PLEKHA6: variants seen among roughly 807,000 people sequenced by gnomAD.
PLEKHA6 encodes the protein pleckstrin homology domain containing A6, also known as pleckstrin homology domain-containing family A member 6.
In PLEKHA6, 60 loss-of-function variants were observed where a neutral mutation model predicts 116.7. That is an observed-to-expected ratio of 0.51 (90% CI 0.42 to 0.64). The LOEUF is 0.64. Among genes scored for constraint, PLEKHA6 ranks in the 30% least tolerant of loss-of-function variants. The pLI is 0.00. For missense variants in PLEKHA6, 1,338 were observed against 1,422.7 expected (o/e 0.94, Z 0.96); for synonymous variants, 489 against 556.1 (o/e 0.88, Z 1.70).
At chr1:204,273,144 T>C (rs76341193) in intron 3 of PLEKHA6, among the ~76,000 whole-genome samples, 1 of 152,090 alleles carries the variant, frequency 6.6e-6, no homozygotes, top group Admixed American at 6.5e-5. Flanking sequence ...CTCTCTTCCT[T>C]CCTTCCCCCT....
intron 1 of PLEKHA6, chr1:204,325,876 G>T: frequency 1.0e-6 from 1 of 981,268 alleles, no homozygotes; most frequent in Non-Finnish European, 1.2e-6. Flanking sequence ...AGCATGGGGA[G>T]AAGTAGTAGC....
At chr1:204,237,831 T>C (rs746024025) in intron 17 of PLEKHA6, among the ~76,000 whole-genome samples, 2 of 152,242 alleles carry the variant, frequency 1.3e-5, no homozygotes, top group African/African-American at 4.8e-5. Flanking sequence ...ACTGGTTCAT[T>C]ACATTGATGA....
At position 204,277,024 on chromosome 1, in the gene PLEKHA6, A is replaced by G. The variant is rs1668087387; in HGVS notation, c.-94-2215T>C. ...ACCCGTCGATCAGCCCGAAACTTCAACATCTTTTTGGCAGCTCCGTCCCCA... is the reference window on the plus strand; with the variant it reads ...ACCCGTCGATCAGCCCGAAACTTCAGCATCTTTTTGGCAGCTCCGTCCCCA... On this transcript the variant is annotated intron_variant, in intron 1 of 22. Coordinates refer to ENST00000272203, the MANE Select transcript of PLEKHA6 (RefSeq NM_014935.5). The surrounding 1 kb of genome is among the most constrained non-coding windows in gnomAD (Gnocchi z 4.1). 6.6e-6 allele frequency: 1 copy of G among 152,632 alleles called. No individual in the cohort carries two copies. Among genetic ancestry groups the G allele is most frequent in the Non-Finnish European group, 1.5e-5 (1 of 68,064 alleles). The allele number at this position is 152,632 out of a possible 1,614,324, so 9.5% of individuals were successfully genotyped here.
In PLEKHA6 at chr1:204,229,027, C is replaced by T; in HGVS notation, c.2661G>A (p.Gly887=). 1 of 1,614,174 alleles carries T rather than the reference C, an allele frequency of 6.2e-7. No homozygotes were observed. Among genetic ancestry groups the T allele is most frequent in the Non-Finnish European group, 8.5e-7 (1 of 1,180,008 alleles). Residue 887 remains glycine, a synonymous_variant, in exon 19 of 23, where the codon GGG becomes GGA. Coordinates refer to ENST00000272203, the MANE Select transcript of PLEKHA6 (RefSeq NM_014935.5). ...CCTCCCGGGGTGTCTCGTAGGCATGCCCGCCAGGCTCCTCTGCCCGCAGGG... is the reference window on the plus strand; with the variant it reads ...CCTCCCGGGGTGTCTCGTAGGCATGTCCGCCAGGCTCCTCTGCCCGCAGGG... ...EAALRAEEPG[G]HAYETPREEI...
At chr1:204,333,929 T>G (rs988076194) in intron 1 of PLEKHA6, among the ~76,000 whole-genome samples, 1 of 152,228 alleles carries the variant, frequency 6.6e-6, no homozygotes, top group Non-Finnish European at 1.5e-5. Flanking sequence ...ATTGACAAGC[T>G]TTCCTAATCA....
chr1:204,259,160 A>C lies in PLEKHA6; in HGVS notation c.1007+98T>G. 1 of 1,382,120 alleles carries C rather than the reference A, an allele frequency of 7.2e-7. No individual in the cohort carries two copies. The highest frequency in any genetic ancestry group is 2.4e-5 in the East Asian group (1 of 41,884). The allele number at this position is 1,382,120 out of a possible 1,614,324, so 85.6% of individuals were successfully genotyped here. A position where few individuals can be genotyped will look rare whatever the true frequency, so the allele number is the denominator to read the frequency against. ...TTTCCCAACTCAGCCTGCTTCCAGA[A>C]GGTTTCCAACAGGGGATGCCTCGTG... is the stretch of plus-strand genomic sequence containing the variant. On this transcript the variant is annotated intron_variant, in intron 8 of 22. Coordinates refer to ENST00000272203, the MANE Select transcript of PLEKHA6 (RefSeq NM_014935.5). This position sits in a 1 kb window ranked among gnomAD's most constrained non-coding sequence, Gnocchi z 4.6.
chr1:204,280,253 G>A, intron 1 of PLEKHA6: 1 of 954,418 alleles, frequency 1.0e-6, no homozygotes, highest in African/African-American at 1.8e-5. Flanking sequence ...ACATCCCCCT[G>A]GAGAGTCAGC....
intron 3 of PLEKHA6, among the ~76,000 whole-genome samples, chr1:204,272,916 C>T (rs1316596194): frequency 3.3e-5 from 5 of 152,100 alleles, no homozygotes; most frequent in African/African-American, 1.2e-4. Flanking sequence ...TTTTCTAGTT[C>T]CTTAGAAGAG....
Position 204,228,016 on chromosome 1 carries a change from G to A in PLEKHA6, c.3031+67C>T, listed in dbSNP as rs1056235080. 24 of 1,519,958 alleles carry A rather than the reference G, an allele frequency of 1.6e-5. No individual in the cohort carries two copies. The highest frequency in any genetic ancestry group is 2.3e-4 in the Middle Eastern group (1 of 4,412). The allele number at this position is 1,519,958 out of a possible 1,614,324, so 94.2% of individuals were successfully genotyped here. A position where few individuals can be genotyped will look rare whatever the true frequency, so the allele number is the denominator to read the frequency against. ...ACTGCCCCCCTTGTAGCAGTGCCAC[G>A]CTTCCTCCCTTAAACCTGGTCAGCT... On this transcript the variant is annotated intron_variant, in intron 21 of 22. Transcript: ENST00000272203. This position sits in a 1 kb window ranked among gnomAD's most constrained non-coding sequence, Gnocchi z 4.0.
chr1:204,261,198 G>C lies in PLEKHA6; in HGVS notation c.524+108C>G, dbSNP rs533002943. ...AAGGAGACGGCTCACACATTCTCCA[G>C]GGCTTCAAGTAGGCACACTGGGATT... On this transcript the variant is annotated intron_variant, in intron 7 of 22. Transcript: ENST00000272203. The surrounding 1 kb of genome is among the most constrained non-coding windows in gnomAD (Gnocchi z 4.0). 1.7e-4 allele frequency: 226 copies of C among 1,339,298 alleles called. 2 individuals carry two copies. In the South Asian group the frequency reaches 2.5e-3, roughly 15 times the overall value. The allele number at this position is 1,339,298 out of a possible 1,614,324, so 83.0% of individuals were successfully genotyped here.
chr1:204,220,467 T>C lies in PLEKHA6; in HGVS notation c.*2321A>G, dbSNP rs542541669. The C allele has an allele frequency of 6.5e-6, 1 of 152,776 alleles. No homozygotes were observed. Among genetic ancestry groups the C allele is most frequent in the South Asian group, 2.1e-4 (1 of 4,826 alleles). 9.5% of individuals were successfully genotyped at this position (152,776 alleles called of 1,614,324 possible). A position where few individuals can be genotyped will look rare whatever the true frequency, so the allele number is the denominator to read the frequency against. On this transcript the variant is annotated 3_prime_UTR_variant, in exon 23 of 23. Transcript: ENST00000272203. Reference sequence around the variant, plus strand: ...TGTGGCAGAGGGACAGGCACAGGGTTGGGACCTAAAGGCAGTTACCCCATC... The same window carrying C: ...TGTGGCAGAGGGACAGGCACAGGGTCGGGACCTAAAGGCAGTTACCCCATC...
At chr1:204,252,425 T>G (rs1664691392) in intron 9 of PLEKHA6, among the ~76,000 whole-genome samples, 1 of 151,970 alleles carries the variant, frequency 6.6e-6, no homozygotes. Context: ...TTTCCCCCAC[T>G]GGTTCCAATG....
In PLEKHA6 at chr1:204,238,825, C is replaced by CA. The variant is rs1390797095; in HGVS notation, c.2409+2549dup. On this transcript the variant is annotated intron_variant, in intron 17 of 22. Coordinates refer to ENST00000272203, the MANE Select transcript of PLEKHA6 (RefSeq NM_014935.5). The surrounding 1 kb of genome is among the most constrained non-coding windows in gnomAD (Gnocchi z 4.2). ...GCAGCACTACAGCCCCTTTCTAGGA[C>CA]ATCCCTGAAGAATAGCAGTGAAGGG... Among the ~76,000 whole-genome samples the CA allele has an allele frequency of 1.1e-4, 16 of 152,342 alleles. No individual in the cohort carries two copies. Among genetic ancestry groups the CA allele is most frequent in the Non-Finnish European group, 2.1e-4 (14 of 68,036 alleles).
At chr1:204,339,640 G>A (rs1375927232) in intron 1 of PLEKHA6, among the ~76,000 whole-genome samples, 1 of 152,124 alleles carries the variant, frequency 6.6e-6, no homozygotes, top group Non-Finnish European at 1.5e-5. Context: ...AATAACTAGG[G>A]GGAAAATCAG....
intron 1 of PLEKHA6, among the ~76,000 whole-genome samples, chr1:204,293,772 T>C (rs1176453544): frequency 1.3e-5 from 2 of 152,218 alleles, no homozygotes; most frequent in East Asian, 3.9e-4. Context: ...CGCCTTACTC[T>C]AGTCAGCCCT....
At chr1:204,312,795 C>A (rs553680623) in intron 1 of PLEKHA6, among the ~76,000 whole-genome samples, 1 of 152,310 alleles carries the variant, frequency 6.6e-6, no homozygotes, top group Non-Finnish European at 1.5e-5. Context: ...GCCTCTAGTG[C>A]ACTCTCTGAG....
chr1:204,367,213 A>G (rs1324871967), intron 3 of PLEKHA6, among the ~76,000 whole-genome samples: 1 of 152,138 alleles, frequency 6.6e-6, no homozygotes, highest in Non-Finnish European at 1.5e-5. Context: ...CCCAAGGCAC[A>G]CCTTTAGCCA....
In PLEKHA6 at chr1:204,242,326, A is replaced by G. The variant is rs1392456496; in HGVS notation, c.2173-512T>C. On this transcript the variant is annotated intron_variant, in intron 15 of 22. Transcript: ENST00000272203. ...CTCCCATGGTACAGTTGAAGAATCT[A>G]AGCCTCAGTGAGAAGAATACAAAAA... Among the ~76,000 whole-genome samples the G allele has an allele frequency of 2.0e-5, 3 of 152,214 alleles. No individual in the cohort carries two copies. In the East Asian group the frequency reaches 5.8e-4, roughly 29 times the overall value.
rs1008633176 is a variant in PLEKHA6 at position 204,261,219 on chromosome 1, G to C, written c.524+87C>G. 4 of 1,487,188 alleles carry C rather than the reference G, an allele frequency of 2.7e-6. No homozygotes were observed. Among genetic ancestry groups the C allele is most frequent in the African/African-American group, 1.4e-5 (1 of 72,476 alleles). 92.1% of individuals were successfully genotyped at this position (1,487,188 alleles called of 1,614,324 possible). ...TCCAGGGCTTCAAGTAGGCACACTG[G>C]GATTAGCAATGGCCCAGAGCTGGGT... On this transcript the variant is annotated intron_variant, in intron 7 of 22. Coordinates refer to ENST00000272203, the MANE Select transcript of PLEKHA6 (RefSeq NM_014935.5). The surrounding 1 kb of genome is among the most constrained non-coding windows in gnomAD (Gnocchi z 4.0).
Sources: allele counts gnomAD v4.1 joint callset (sites outside exome capture counted in the v4.1 genomes callset), GRCh38; gene constraint gnomAD v4.1.1; non-coding constraint Gnocchi (gnomAD v3.1); transcripts MANE v1.5; gene names NCBI Gene and HGNC (gene_info 2026-07-23, HGNC 2026-07-21).